Variants in NMNAT2 observed in about 807,000 individuals in gnomAD.
The protein encoded by NMNAT2 is nicotinamide nucleotide adenylyltransferase 2, also known as nicotinamide/nicotinic acid mononucleotide adenylyltransferase 2.
NMNAT2 carries 11 observed loss-of-function variants against 41.6 expected under a neutral mutation model. The ratio of observed to expected loss-of-function variants is 0.26; its 90% confidence interval spans 0.17 to 0.44. The LOEUF is 0.44. Among genes scored for constraint, NMNAT2 ranks in the 20% least tolerant of loss-of-function variants. The pLI is 1.00. For missense variants in NMNAT2, 288 were observed against 407.7 expected, an observed-to-expected ratio of 0.71 and a Z score of 2.53; for synonymous variants, 148 against 151.2, an observed-to-expected ratio of 0.98 and a Z score of 0.16.
At chr1:183,280,690 T>C (rs1661240169) in intron 7 of NMNAT2, among the ~76,000 whole-genome samples, 1 of 151,792 alleles carries the variant, frequency 6.6e-6, no homozygotes, top group Non-Finnish European at 1.5e-5. Flanking sequence ...ACTCGGCATG[T>C]AAACTTTCTT....
At chr1:183,330,250 T>C (rs893072590) in intron 1 of NMNAT2, among the ~76,000 whole-genome samples, 6 of 152,226 alleles carry the variant, frequency 3.9e-5, no homozygotes, top group African/African-American at 1.4e-4. Context: ...GAGTACAGCA[T>C]TTTGAACAGT....
intron 1 of NMNAT2, among the ~76,000 whole-genome samples, chr1:183,312,516 A>G (rs2102325004): frequency 6.6e-6 from 1 of 151,872 alleles, no homozygotes; most frequent in South Asian, 2.1e-4. Flanking sequence ...TGCTCTCTGT[A>G]TATTTATTTT....
At chr1:183,326,553 G>A (rs944752827) in intron 1 of NMNAT2, among the ~76,000 whole-genome samples, 1 of 152,100 alleles carries the variant, frequency 6.6e-6, no homozygotes, top group African/African-American at 2.4e-5. Flanking sequence ...ATGTGCAAAG[G>A]CTCCAGGACA....
chr1:183,349,296 T>G (rs916369016), intron 1 of NMNAT2, among the ~76,000 whole-genome samples: 2 of 152,240 alleles, frequency 1.3e-5, no homozygotes, highest in Admixed American at 1.3e-4. Flanking sequence ...CTCCGCTCTT[T>G]CAGGCAGCCT....
At chr1:183,257,024 T>C (rs1308343766) in intron 10 of NMNAT2, among the ~76,000 whole-genome samples, 1 of 152,086 alleles carries the variant, frequency 6.6e-6, no homozygotes, top group Non-Finnish European at 1.5e-5. Context: ...AGTGCTAGGA[T>C]TACAGGCATG....
intron 1 of NMNAT2, among the ~76,000 whole-genome samples, chr1:183,307,948 A>G (rs1187405042): frequency 6.6e-6 from 1 of 152,190 alleles, no homozygotes; most frequent in Non-Finnish European, 1.5e-5. Flanking sequence ...GCATTTGGGC[A>G]GATTTCGACG....
chr1:183,342,899 AATTATT>A (rs36111392), intron 1 of NMNAT2, among the ~76,000 whole-genome samples: 33 of 145,676 alleles, frequency 2.3e-4, no homozygotes, highest in African/African-American at 4.6e-4. Flanking sequence ...ATGACTGGCT[AATTATT>A]ATTATTATTA....
At position 183,416,331 on chromosome 1, in the gene NMNAT2, T is replaced by A. The variant is rs1392974092; in HGVS notation, c.85+1852A>T. Among the ~76,000 whole-genome samples, 4 of 152,330 alleles carry A rather than the reference T, an allele frequency of 2.6e-5. No homozygotes were observed. In the East Asian group the frequency reaches 5.8e-4, roughly 22 times the overall value. Reference sequence around the variant, plus strand: ...CCACAGAGTTTCATCCCCAGCCCAATGGCTCTTCCCTACTCCTCCTTTCTC... The same window carrying A: ...CCACAGAGTTTCATCCCCAGCCCAAAGGCTCTTCCCTACTCCTCCTTTCTC... On this transcript the variant is annotated intron_variant, in intron 1 of 10. Transcript: ENST00000287713.
chr1:183,383,051 G>C (rs962501647), intron 1 of NMNAT2, among the ~76,000 whole-genome samples: 1 of 152,228 alleles, frequency 6.6e-6, no homozygotes, highest in Non-Finnish European at 1.5e-5. Context: ...TTGCATGTCT[G>C]TATATCCTCT....
At chr1:183,294,077 A>C (rs910516184) in intron 1 of NMNAT2, among the ~76,000 whole-genome samples, 1 of 152,220 alleles carries the variant, frequency 6.6e-6, no homozygotes, top group African/African-American at 2.4e-5. Context: ...ATTTAAAACA[A>C]GCGCCTCATT....
At chr1:183,285,197 T>A (rs969306863) in intron 5 of NMNAT2, among the ~76,000 whole-genome samples, 1 of 152,224 alleles carries the variant, frequency 6.6e-6, no homozygotes, top group Non-Finnish European at 1.5e-5. Flanking sequence ...TATGCAGGTA[T>A]GTCTACATAA....
At chr1:183,299,421 G>C (rs1344666916) in intron 1 of NMNAT2, among the ~76,000 whole-genome samples, 1 of 152,104 alleles carries the variant, frequency 6.6e-6, no homozygotes, top group Non-Finnish European at 1.5e-5. Flanking sequence ...ATTGATATGT[G>C]CAAGAATTTG....
chr1:183,304,976 G>A (rs1661962939), intron 1 of NMNAT2: 2 of 890,712 alleles, frequency 2.2e-6, no homozygotes, highest in Non-Finnish European at 3.1e-6. Flanking sequence ...GCTCCCGCTT[G>A]TAGGAGCCAC....
At chr1:183,304,760 GC>G (rs1348291392) in intron 1 of NMNAT2, 4 of 1,613,696 alleles carry the variant, frequency 2.5e-6, no homozygotes, top group Non-Finnish European at 3.4e-6. Flanking sequence ...GGTTTTTGCA[GC>G]CACTACTTGC....
intron 1 of NMNAT2, among the ~76,000 whole-genome samples, chr1:183,326,051 T>C (rs926104538): frequency 7.9e-5 from 12 of 151,896 alleles, no homozygotes; most frequent in African/African-American, 2.4e-4. Flanking sequence ...GTGAGAGTAA[T>C]GAACAGAATG....
chr1:183,370,232 A>G (rs1354306718), intron 1 of NMNAT2, among the ~76,000 whole-genome samples: 9 of 134,930 alleles, frequency 6.7e-5, no homozygotes, highest in Admixed American at 6.4e-4. Context: ...ATACACACAC[A>G]CACACACACA....
chr1:183,317,066 A>C (rs1020140329), intron 1 of NMNAT2, among the ~76,000 whole-genome samples: 1 of 152,200 alleles, frequency 6.6e-6, no homozygotes, highest in Non-Finnish European at 1.5e-5. Context: ...GTCTCTCCCC[A>C]GAAGAATGTC....
At chr1:183,287,750 C>T (rs552831712) in intron 4 of NMNAT2, among the ~76,000 whole-genome samples, 26 of 152,332 alleles carry the variant, frequency 1.7e-4, no homozygotes, top group Non-Finnish European at 2.6e-4. Context: ...GGGTACCCAC[C>T]ACCCACTCCT....
chr1:183,253,217 CTATGT>C (rs1302470714), intron 10 of NMNAT2, among the ~76,000 whole-genome samples: 2 of 147,212 alleles, frequency 1.4e-5, no homozygotes, highest in East Asian at 3.9e-4. Context: ...TATAGTATAT[CTATGT>C]TATATTACAT....
Sources: allele counts gnomAD v4.1 joint callset (sites outside exome capture counted in the v4.1 genomes callset), GRCh38; gene constraint gnomAD v4.1.1; transcripts MANE v1.5; gene names NCBI Gene and HGNC (gene_info 2026-07-23, HGNC 2026-07-21).